Variants in GLYATL1B observed in about 807,000 individuals in gnomAD.
GLYATL1B encodes glycine-N-acyltransferase like 1B.
Under a neutral mutation model 5.5 loss-of-function variants are expected in GLYATL1B, and 6 were observed. The ratio of observed to expected loss-of-function variants is 1.09; its 90% CI spans 0.60 to 2.15. GLYATL1B has a LOEUF of 2.15. Ranked by LOEUF, GLYATL1B falls within the 30% of genes most tolerant of loss-of-function variation. The pLI is 0.00. For missense variants in GLYATL1B, 135 were observed against 94.1 expected (o/e 1.43, Z -1.80); for synonymous variants, 67 against 34.9 (o/e 1.92, Z -3.24).
chr11:59,088,006 C>T (rs575119318), intron 2 of GLYATL1B, among the ~76,000 whole-genome samples: 1 of 152,308 alleles, frequency 6.6e-6, no homozygotes, highest in African/African-American at 2.4e-5. Flanking sequence ...GGAAACAACA[C>T]TGAGAAATAT....
At chr11:59,088,023 A>C (rs920385596) in intron 2 of GLYATL1B, among the ~76,000 whole-genome samples, 2 of 152,228 alleles carry the variant, frequency 1.3e-5, no homozygotes. Flanking sequence ...ATATTCAGTC[A>C]GGTAGCTGCT....
At position 59,094,500 on chromosome 11, in the gene GLYATL1B, C is replaced by G. The variant is rs1184881085; in HGVS notation, c.623C>G (p.Ala208Gly). Residue 208 changes from alanine (A) to glycine (G), a missense_variant, in exon 5 of 5, where the codon GCC (alanine) becomes GGC (glycine). By Grantham distance (60) the Ala-to-Gly change is moderately conservative (BLOSUM62 0). Coordinates refer to ENST00000527482, the MANE Select transcript of GLYATL1B (RefSeq NM_001355566.1). The part of the protein sequence containing the change: ...IKRCLGALPA[A>G]CMLGPEGVPV... Reference sequence around the variant, plus strand: ...CGCTGCCTAGGAGCCCTGCCAGCAGCCTGTATGCTGGGCCCAGAGGGGGTC... The same window carrying G: ...CGCTGCCTAGGAGCCCTGCCAGCAGGCTGTATGCTGGGCCCAGAGGGGGTC... 2 of 803,612 alleles carry G rather than the reference C, an allele frequency of 2.5e-6. No homozygotes were observed. The highest frequency in any genetic ancestry group is 2.1e-5 in the Admixed American group (1 of 47,692). 49.8% of individuals were successfully genotyped at this position (803,612 alleles called of 1,614,324 possible).
At chr11:59,091,291 T>C (rs1325265861) in intron 2 of GLYATL1B, among the ~76,000 whole-genome samples, 1 of 152,166 alleles carries the variant, frequency 6.6e-6, no homozygotes, top group Non-Finnish European at 1.5e-5. Context: ...TGGTTTTGCC[T>C]TATGTAGAAT....
chr11:59,090,882 A>T (rs1209367769), intron 2 of GLYATL1B, among the ~76,000 whole-genome samples: 1 of 152,156 alleles, frequency 6.6e-6, no homozygotes, highest in African/African-American at 2.4e-5. Context: ...TGAAATAGCT[A>T]TAAAAACTTA....
chr11:59,094,452 A>C lies in GLYATL1B; in HGVS notation c.575A>C (p.Lys192Thr), dbSNP rs1479992677. 4 of 704,866 alleles carry C rather than the reference A, an allele frequency of 5.7e-6. No homozygotes were observed. The highest frequency in any genetic ancestry group is 5.3e-5 in the African/African-American group (3 of 56,436). The allele number at this position is 704,866 out of a possible 1,614,324, so 43.7% of individuals were successfully genotyped here. ...VNDNWKLGMN[K>T]RSLRYIKRCL... Reference sequence around the variant, plus strand: ...GACAACTGGAAGCTAGGGATGAATAAGAGGAGCCTGCGTTACATCAAGCGC... The same window carrying C: ...GACAACTGGAAGCTAGGGATGAATACGAGGAGCCTGCGTTACATCAAGCGC... Residue 192 changes from lysine (K) to threonine (T), a missense_variant, in exon 5 of 5, where the codon AAG becomes ACG. Coordinates refer to ENST00000527482, the MANE Select transcript of GLYATL1B (RefSeq NM_001355566.1).
chr11:59,087,385 G>A (rs1053632281), intron 2 of GLYATL1B, among the ~76,000 whole-genome samples: 7 of 152,192 alleles, frequency 4.6e-5, no homozygotes, highest in African/African-American at 1.2e-4. Flanking sequence ...CAAGGGGGAA[G>A]GGGAGGAAAA....
In GLYATL1B at chr11:59,093,611, A is replaced by C. The variant is rs1286909887; in HGVS notation, c.269A>C (p.Lys90Thr). ...CCTCAAAAATCACAAGAAGTTTTGA[A>C]AAATTCTGAGATCATAAACTGGAAA... The part of the protein sequence containing the change: ...KDPQKSQEVL[K>T]NSEIINWKQK... Residue 90 changes from lysine to threonine, a missense_variant, in exon 3 of 5, where the codon AAA (lysine) becomes ACA (threonine). Transcript: ENST00000527482. 2.0e-6 allele frequency: 1 copy of C among 490,654 alleles called. No individual in the cohort carries two copies. The highest frequency in any genetic ancestry group is 3.7e-6 in the Non-Finnish European group (1 of 272,356). The allele number at this position is 490,654 out of a possible 1,614,324, so 30.4% of individuals were successfully genotyped here.
At chr11:59,087,735 T>C (rs1181235961) in intron 2 of GLYATL1B, among the ~76,000 whole-genome samples, 2 of 152,064 alleles carry the variant, frequency 1.3e-5, no homozygotes, top group Non-Finnish European at 2.9e-5. Context: ...TACTCCTAGA[T>C]ACTCAGGAGA....
In GLYATL1B at chr11:59,087,319, G is replaced by A. The variant is rs541425095; in HGVS notation, c.186+148G>A. ...CTTCAGTACTGGGCAGCTTGCGTGA[G>A]TGCCACATGTTAACACTCTTCCTGT... is the stretch of plus-strand genomic sequence containing the variant. On this transcript the variant is annotated intron_variant, in intron 2 of 4. Transcript: ENST00000527482. 356 of 396,508 alleles carry A rather than the reference G, an allele frequency of 9.0e-4. 3 individuals carry two copies. Among genetic ancestry groups the A allele is most frequent in the East Asian group, 2.0e-3 (56 of 27,730 alleles). The allele number at this position is 396,508 out of a possible 1,614,324, so 24.6% of individuals were successfully genotyped here.
At position 59,087,117 on chromosome 11, in the gene GLYATL1B, G is replaced by T. The variant is rs1198176043; in HGVS notation, c.132G>T (p.Val44=). 1 of 678,384 alleles carries T rather than the reference G, an allele frequency of 1.5e-6. No homozygotes were observed. The allele number at this position is 678,384 out of a possible 1,614,324, so 42.0% of individuals were successfully genotyped here. A position where few individuals can be genotyped will look rare whatever the true frequency, so the allele number is the denominator to read the frequency against. Residue 44 remains valine, a synonymous_variant, in exon 2 of 5, where the codon GTG becomes GTT. Coordinates refer to ENST00000527482, the MANE Select transcript of GLYATL1B (RefSeq NM_001355566.1). ...INHGNPFNME[V]LVDSWPEYQM... is the part of the protein sequence containing the mutation. Reference sequence around the variant, plus strand: ...ACGGGAACCCCTTCAACATGGAAGTGTTGGTGGACTCCTGGCCCGAGTATC... The same window carrying T: ...ACGGGAACCCCTTCAACATGGAAGTTTTGGTGGACTCCTGGCCCGAGTATC...
intron 2 of GLYATL1B, among the ~76,000 whole-genome samples, chr11:59,091,070 G>T (rs1859297915): frequency 1.3e-5 from 2 of 151,982 alleles, no homozygotes; most frequent in African/African-American, 4.8e-5. Context: ...TACCCTAAAA[G>T]ATCTTCTGAT....
At chr11:59,092,695 A>G (rs1859342170) in intron 2 of GLYATL1B, among the ~76,000 whole-genome samples, 1 of 152,238 alleles carries the variant, frequency 6.6e-6, no homozygotes, top group African/African-American at 2.4e-5. Flanking sequence ...TGTGAGAATG[A>G]GATCACAAGT....
chr11:59,087,654 G>C (rs753933268), intron 2 of GLYATL1B, among the ~76,000 whole-genome samples: 2 of 152,138 alleles, frequency 1.3e-5, no homozygotes, highest in Non-Finnish European at 2.9e-5. Flanking sequence ...GGACCTGCCT[G>C]TGCAACATAA....
chr11:59,087,391 G>A (rs1185980285), intron 2 of GLYATL1B, among the ~76,000 whole-genome samples: 1 of 152,074 alleles, frequency 6.6e-6, no homozygotes, highest in African/African-American at 2.4e-5. Flanking sequence ...GGAAGGGGAG[G>A]AAAAGGACAA....
At chr11:59,087,462 T>A (rs1417257145) in intron 2 of GLYATL1B, among the ~76,000 whole-genome samples, 2 of 151,302 alleles carry the variant, frequency 1.3e-5, no homozygotes, top group African/African-American at 2.4e-5. Flanking sequence ...AGGGGCTGAA[T>A]GGAGGCCAAT....
chr11:59,094,593 G>T lies in GLYATL1B; in HGVS notation c.716G>T (p.Arg239Leu), dbSNP rs1352141425. 8.1e-6 allele frequency: 4 copies of T among 491,072 alleles called. No homozygotes were observed. The highest frequency in any genetic ancestry group is 7.9e-5 in the African/African-American group (4 of 50,802). 30.4% of individuals were successfully genotyped at this position (491,072 alleles called of 1,614,324 possible). A position where few individuals can be genotyped will look rare whatever the true frequency, so the allele number is the denominator to read the frequency against. Residue 239 changes from arginine (R) to leucine (L), a missense_variant, in exon 5 of 5, where the codon CGA (arginine) becomes CTA (leucine). Physicochemically the swap from Arg to Leu is moderately radical, Grantham distance 102 (BLOSUM62 -2). Coordinates refer to ENST00000527482, the MANE Select transcript of GLYATL1B (RefSeq NM_001355566.1). ...IGMGYSVEKY[R>L]RRGNGTRLIM... ...ATGGGCTACAGTGTGGAAAAATACC[G>T]AAGGAGAGGCAATGGGACACGGCTG...
intron 2 of GLYATL1B, among the ~76,000 whole-genome samples, chr11:59,093,019 C>T (rs1033026913): frequency 1.5e-4 from 23 of 152,176 alleles, no homozygotes; most frequent in African/African-American, 5.3e-4. Context: ...AAGAACTTAA[C>T]CCTATCAACA....
rs1218491680 is a variant in GLYATL1B at position 59,093,629 on chromosome 11, A to C, written c.287A>C (p.Asn96Thr). 4 of 498,326 alleles carry C rather than the reference A, an allele frequency of 8.0e-6. No individual in the cohort carries two copies. Among genetic ancestry groups the C allele is most frequent in the Non-Finnish European group, 1.4e-5 (4 of 282,468 alleles). 30.9% of individuals were successfully genotyped at this position (498,326 alleles called of 1,614,324 possible). Residue 96 changes from asparagine to threonine, a missense_variant, in exon 3 of 5, where the codon AAC (asparagine) becomes ACC (threonine). Transcript: ENST00000527482. Reference protein sequence around the residue: ...QEVLKNSEIINWKQKLQIQGF... With the variant: ...QEVLKNSEIITWKQKLQIQGF... ...GTTTTGAAAAATTCTGAGATCATAA[A>C]CTGGAAACAGAAACTCCAAATCCAA...
chr11:59,093,770 G>A (rs1859371244), intron 3 of GLYATL1B, 115 bp downstream of exon 3: 2 of 401,252 alleles, frequency 5.0e-6, no homozygotes, highest in Non-Finnish European at 9.0e-6. Context: ...GAAATTCTCA[G>A]AGCTGGGAGA....
Sources: gnomAD v4.1 joint callset for allele counts (sites outside exome capture counted in the v4.1 genomes callset) on GRCh38, gnomAD v4.1.1 for gene constraint, MANE v1.5 for transcripts, NCBI Gene and HGNC (gene_info 2026-07-23, HGNC 2026-07-21) for gene names.